MYL10: variants seen among roughly 807,000 people sequenced by gnomAD.
The protein encoded by MYL10 is myosin light chain 10, also known as myosin regulatory light chain 10.
A neutral mutation model predicts 21.9 loss-of-function variants in MYL10; 18 were observed. The ratio of observed to expected loss-of-function variants is 0.82; its 90% CI spans 0.57 to 1.22. MYL10 has a LOEUF of 1.22. MYL10 is among the 50% of genes most tolerant of loss of function. The probability of loss-of-function intolerance (pLI) is 0.00; values close to 1 mark genes in which losing one functional copy is unlikely to be tolerated. For missense variants in MYL10, 225 were observed against 230.4 expected, an observed-to-expected ratio of 0.98 and a Z score of 0.15; for synonymous variants, 88 against 82.8, an observed-to-expected ratio of 1.06 and a Z score of -0.34.
At position 101,629,144 on chromosome 7, in the gene MYL10, AT is replaced by A. The variant is rs1562828278; in HGVS notation, c.-27del. 2.5e-5 allele frequency: 8 copies of A among 322,454 alleles called. No homozygotes were observed. The highest frequency in any genetic ancestry group is 7.0e-5 in the South Asian group (3 of 43,124). 20.0% of individuals were successfully genotyped at this position (322,454 alleles called of 1,614,324 possible). A position where few individuals can be genotyped will look rare whatever the true frequency, so the allele number is the denominator to read the frequency against. ...GGTGAAACTCTGTTTCTACAAAAAAATTTTTTTTAATTAAAAAATTAGTCAG... is the reference window on the plus strand; with the variant it reads ...GGTGAAACTCTGTTTCTACAAAAAAATTTTTTTAATTAAAAAATTAGTCAG... On this transcript the variant is annotated 5_prime_UTR_variant, in exon 1 of 8. Transcript: ENST00000223167.
At chr7:101,624,533 G>A (rs1320361330) in intron 1 of MYL10, among the ~76,000 whole-genome samples, 2 of 152,218 alleles carry the variant, frequency 1.3e-5, no homozygotes, top group African/African-American at 4.8e-5. Context: ...AAGGTGGGCA[G>A]CCGGTGCCCG....
chr7:101,627,054 G>A (rs1457381550), intron 1 of MYL10, among the ~76,000 whole-genome samples: 1 of 151,988 alleles, frequency 6.6e-6, no homozygotes, highest in East Asian at 1.9e-4. Context: ...CACTCTGGGA[G>A]GCCGAAGCGG....
intron 5 of MYL10, 85 bp downstream of exon 5, chr7:101,622,011 G>T: frequency 9.7e-7 from 1 of 1,033,778 alleles, no homozygotes; most frequent in African/African-American, 1.6e-5. Context: ...CCTGTGGTGT[G>T]TATGTGTGTC....
At chr7:101,616,715 T>C (rs1425174836) in intron 5 of MYL10, among the ~76,000 whole-genome samples, 1 of 152,090 alleles carries the variant, frequency 6.6e-6, no homozygotes, top group African/African-American at 2.4e-5. Context: ...ACTCTGGGGC[T>C]CACGTGTTAC....
At chr7:101,618,119 G>GA (rs1796630345) in intron 5 of MYL10, among the ~76,000 whole-genome samples, 1 of 152,270 alleles carries the variant, frequency 6.6e-6, no homozygotes, top group South Asian at 2.1e-4. Flanking sequence ...GGCACAGAGT[G>GA]AAAAAACCTG....
intron 6 of MYL10, among the ~76,000 whole-genome samples, chr7:101,615,797 C>T (rs1243572925): frequency 1.9e-4 from 28 of 149,342 alleles, no homozygotes; most frequent in Non-Finnish European, 5.9e-5. Context: ...TGGGTTCGAG[C>T]GATTCTCCTG....
intron 1 of MYL10, among the ~76,000 whole-genome samples, chr7:101,625,889 G>A (rs769353268): frequency 1.1e-4 from 16 of 151,882 alleles, no homozygotes; most frequent in Non-Finnish European, 1.6e-4. Context: ...TGGCCTCGGC[G>A]TCCTCAGTCC....
chr7:101,617,733 C>T lies in MYL10; in HGVS notation c.455-1435G>A, dbSNP rs1009386953. Among the ~76,000 whole-genome samples, 4 of 152,066 alleles carry T rather than the reference C, an allele frequency of 2.6e-5. No individual in the cohort carries two copies. The East Asian group carries it at 7.7e-4, about 29-fold the overall frequency. ...AGATTAGATCAGGGCCTCATCTGTG[C>T]CTCCCCCATCAGACTGGGTCAGGGT... On this transcript the variant is annotated intron_variant, in intron 5 of 7. Coordinates refer to ENST00000223167, the MANE Select transcript of MYL10 (RefSeq NM_138403.5).
intron 1 of MYL10, among the ~76,000 whole-genome samples, chr7:101,625,487 G>A (rs557963444): frequency 1.7e-3 from 262 of 149,944 alleles, no homozygotes; most frequent in Non-Finnish European, 2.9e-3. Flanking sequence ...TTGTCTACCT[G>A]CCCCCACCAG....
rs747634979 is a variant in MYL10, at chr7:101,622,978, CG to C, written c.349+18del. The stretch of plus-strand genomic sequence containing the variant: ...TGGCTGGCCTGGCCCTAATCTCCCC[CG>C]GCTGCTGGCTCACCCACCCAGCGCG... On this transcript the variant is annotated intron_variant, in intron 4 of 7. Transcript: ENST00000223167. 6.2e-7 allele frequency: 1 copy of C among 1,612,454 alleles called. No individual in the cohort carries two copies. Among genetic ancestry groups the C allele is most frequent in the Non-Finnish European group, 8.5e-7 (1 of 1,179,250 alleles).
chr7:101,628,607 G>A (rs1562828044), intron 1 of MYL10, among the ~76,000 whole-genome samples: 1 of 152,178 alleles, frequency 6.6e-6, no homozygotes, highest in South Asian at 2.1e-4. Context: ...GCCAAACAGA[G>A]CCCACACCTG....
At chr7:101,615,697 CTT>C (rs900024757) in intron 6 of MYL10, among the ~76,000 whole-genome samples, 13 of 121,188 alleles carry the variant, frequency 1.1e-4, no homozygotes, top group Non-Finnish European at 9.9e-5. Flanking sequence ...ACCACTTCTT[CTT>C]TTTTTTTTTT....
chr7:101,624,273 T>C lies in MYL10; in HGVS notation c.79-9A>G. ...CGAGCTCTTCTCGGTGCCTGCGAGGTAGCAGACAAGGCCTTGCAGCGGCCC... is the reference window on the plus strand; with the variant it reads ...CGAGCTCTTCTCGGTGCCTGCGAGGCAGCAGACAAGGCCTTGCAGCGGCCC... On this transcript the variant is annotated splice_polypyrimidine_tract_variant and intron_variant, in intron 1 of 7. Transcript: ENST00000223167. The C allele has an allele frequency of 1.2e-6, 2 of 1,610,286 alleles. No individual in the cohort carries two copies. Among genetic ancestry groups the C allele is most frequent in the Middle Eastern group, 1.7e-4 (1 of 5,922 alleles).
At chr7:101,620,134 C>A (rs1180518800) in intron 5 of MYL10, among the ~76,000 whole-genome samples, 1 of 151,984 alleles carries the variant, frequency 6.6e-6, no homozygotes, top group Non-Finnish European at 1.5e-5. Context: ...CCAGCCTGGC[C>A]AATGTAGTGA....
At chr7:101,620,430 G>A (rs1796664668) in intron 5 of MYL10, among the ~76,000 whole-genome samples, 1 of 152,194 alleles carries the variant, frequency 6.6e-6, no homozygotes, top group Non-Finnish European at 1.5e-5. Flanking sequence ...GCCACCAGAG[G>A]CTGGGAGAGA....
chr7:101,616,111 C>T (rs1201411679), intron 6 of MYL10, 109 bp downstream of exon 6: 2 of 844,928 alleles, frequency 2.4e-6, no homozygotes, highest in Non-Finnish European at 3.9e-6. Context: ...GGCAGCGGCC[C>T]CCCAGCTCCT....
At chr7:101,613,604 A>G (rs1472118792) in intron 7 of MYL10, 31 bp from the exon 8 acceptor site, 2 of 1,613,258 alleles carry the variant, frequency 1.2e-6, no homozygotes, top group Middle Eastern at 1.6e-4. Context: ...AGCCTGCACC[A>G]GGCCAAGTGG....
chr7:101,621,070 T>A (rs1796671962), intron 5 of MYL10, among the ~76,000 whole-genome samples: 2 of 152,136 alleles, frequency 1.3e-5, no homozygotes, highest in Admixed American at 1.3e-4. Flanking sequence ...ATTACAGGCA[T>A]GAGCCACCGT....
intron 5 of MYL10, among the ~76,000 whole-genome samples, chr7:101,617,188 C>A (rs1372489169): frequency 6.6e-6 from 1 of 152,206 alleles, no homozygotes; most frequent in Non-Finnish European, 1.5e-5. Context: ...CTTCAGTGCT[C>A]AAATGTGTCA....
Sources: allele counts gnomAD v4.1 joint callset (sites outside exome capture counted in the v4.1 genomes callset), GRCh38; gene constraint gnomAD v4.1.1; transcripts MANE v1.5; gene names NCBI Gene and HGNC (gene_info 2026-07-23, HGNC 2026-07-21).